RHEBL1: variants seen among roughly 807,000 people sequenced by gnomAD.
RHEBL1 encodes the protein RHEB like 1, also known as GTPase RhebL1.
A neutral mutation model predicts 27.4 loss-of-function variants in RHEBL1; 22 were observed. The observed-to-expected ratio is 0.80, with a 90% CI of 0.57 to 1.15. The LOEUF (loss-of-function observed/expected upper bound fraction) is 1.15. Among genes scored for constraint, RHEBL1 ranks in the 50% most tolerant of loss-of-function variants. The pLI, the probability that RHEBL1 is intolerant of heterozygous loss-of-function variation, is 0.00. For missense variants in RHEBL1, 186 were observed against 226.5 expected (o/e 0.82, Z 1.15); for synonymous variants, 85 against 80.8 (o/e 1.05, Z -0.28).
chr12:49,065,253 G>A (rs750685515), intron 7 of RHEBL1, 61 bp from the exon 8 acceptor site: 22 of 1,554,300 alleles, frequency 1.4e-5, no homozygotes, highest in Non-Finnish European at 1.6e-5. Context: ...CCAGCTCTGG[G>A]GTGAAAGCCC....
intron 2 of RHEBL1, among the ~76,000 whole-genome samples, 172 bp from the exon 3 acceptor site, chr12:49,067,207 A>G (rs1359979569): frequency 6.7e-6 from 1 of 148,240 alleles, no homozygotes; most frequent in Admixed American, 6.9e-5. Flanking sequence ...GGTTCAAGCT[A>G]TTCTCCTGCC....
intron 2 of RHEBL1, among the ~76,000 whole-genome samples, chr12:49,068,261 A>G (rs1669094011): frequency 6.7e-6 from 1 of 149,928 alleles, no homozygotes; most frequent in Non-Finnish European, 1.5e-5. Flanking sequence ...TCCCGAGTAG[A>G]TGGGATTACA....
At position 49,064,978 on chromosome 12, in the gene RHEBL1, CTG is replaced by C; in HGVS notation, c.*123_*124del. The C allele has an allele frequency of 1.4e-6, 1 of 703,912 alleles. No individual in the cohort carries two copies. The highest frequency in any genetic ancestry group is 2.5e-6 in the Non-Finnish European group (1 of 393,634). The allele number at this position is 703,912 out of a possible 1,614,324, so 43.6% of individuals were successfully genotyped here. ...AGTGTGCAAACATGAGGATGCCACA[CTG>C]TGTGTCCAGGGGCCAGGAACACAGC... On this transcript the variant is annotated 3_prime_UTR_variant, in exon 8 of 8. Coordinates refer to ENST00000301068, the MANE Select transcript of RHEBL1 (RefSeq NM_144593.3).
chr12:49,069,741 G>A lies in RHEBL1; in HGVS notation c.45C>T (p.Arg15=), dbSNP rs1254762185. ...RYRKVVILGY[R]CVGKTSLAHQ... Reference sequence around the variant, plus strand: ...TGCAGGGCGGAGACTCACCTACACAGCGGTATCCGAGGATGACCACCTTCC... The same window carrying A: ...TGCAGGGCGGAGACTCACCTACACAACGGTATCCGAGGATGACCACCTTCC... Residue 15 remains arginine, a synonymous_variant, in exon 1 of 8, where the codon CGC becomes CGT. Coordinates refer to ENST00000301068, the MANE Select transcript of RHEBL1 (RefSeq NM_144593.3). The A allele has an allele frequency of 6.2e-7, 1 of 1,613,748 alleles. No individual in the cohort carries two copies. Among genetic ancestry groups the A allele is most frequent in the African/African-American group, 1.3e-5 (1 of 75,008 alleles).
At chr12:49,066,876 T>C in intron 3 of RHEBL1, 92 bp downstream of exon 3, 2 of 1,182,430 alleles carry the variant, frequency 1.7e-6, no homozygotes, top group Non-Finnish European at 2.5e-6. Flanking sequence ...AAAATGCTTT[T>C]AATACTACTT....
At chr12:49,066,389 C>A (rs1472992604) in intron 5 of RHEBL1, 87 bp downstream of exon 5, 2 of 1,548,950 alleles carry the variant, frequency 1.3e-6, no homozygotes, top group Non-Finnish European at 1.8e-6. Flanking sequence ...TATATCCGAG[C>A]CTCCTCTCTA....
chr12:49,065,597 C>G (rs1438975511), intron 6 of RHEBL1, among the ~76,000 whole-genome samples, 166 bp from the exon 7 acceptor site: 1 of 151,780 alleles, frequency 6.6e-6, no homozygotes, highest in East Asian at 1.9e-4. Flanking sequence ...AGTTCAAGAC[C>G]AGCCTGGACA....
chr12:49,069,125 C>G lies in RHEBL1; in HGVS notation c.53-19G>C, dbSNP rs1316283412. ...GTCTTCCCTGTGGGGAGCAGTGTGA[C>G]AGTTGTATCCAAATCATCCATCCAC... On this transcript the variant is annotated intron_variant, in intron 1 of 7. Coordinates refer to ENST00000301068, the MANE Select transcript of RHEBL1 (RefSeq NM_144593.3). The G allele has an allele frequency of 1.9e-6, 3 of 1,614,158 alleles. No individual in the cohort carries two copies. In the Admixed American group the frequency reaches 5.0e-5, roughly 27 times the overall value.
Position 49,065,367 on chromosome 12 carries a change from A to G in RHEBL1, c.445T>C (p.Ser149Pro). The change falls in exon 7 of 8, where the codon TCT (serine) becomes CCT (proline). Residue 149 changes from serine (S) to proline (P), a missense_variant. By Grantham distance (74) the Ser-to-Pro change is moderately conservative. Coordinates refer to ENST00000301068, the MANE Select transcript of RHEBL1 (RefSeq NM_144593.3). ...CCCAGCACCTGATTCTCTCGAGCAG[A>G]TGACTCCATAAATGTCGCACCCCAG... ...ESWGATFMES[S>P]ARENQLTQGI... 1.2e-6 allele frequency: 2 copies of G among 1,614,032 alleles called. No individual in the cohort carries two copies. The highest frequency in any genetic ancestry group is 1.7e-5 in the Admixed American group (1 of 59,996).
chr12:49,068,904 A>G (rs1465761569), intron 2 of RHEBL1, 131 bp downstream of exon 2: 1 of 960,094 alleles, frequency 1.0e-6, no homozygotes, highest in Non-Finnish European at 1.6e-6. Flanking sequence ...GGATTGCTAA[A>G]GAAGAAATCA....
chr12:49,069,624 C>T, intron 1 of RHEBL1, 110 bp downstream of exon 1: 1 of 971,120 alleles, frequency 1.0e-6, no homozygotes, highest in Non-Finnish European at 1.7e-6. Flanking sequence ...CGCTCTACAA[C>T]CCCATCCTTA....
intron 1 of RHEBL1, 99 bp downstream of exon 1, chr12:49,069,635 C>G (rs1197527615): frequency 9.5e-7 from 1 of 1,048,168 alleles, no homozygotes; most frequent in African/African-American, 1.6e-5. Context: ...CCCATCCTTA[C>G]GATGTCATCA....
At chr12:49,068,846 CCAGACT>C (rs1209590484) in intron 2 of RHEBL1, among the ~76,000 whole-genome samples, 183 bp downstream of exon 2, 1 of 152,212 alleles carries the variant, frequency 6.6e-6, no homozygotes, top group African/African-American at 2.4e-5. Context: ...CTAAACTATC[CCAGACT>C]CAATATCTTG....
At position 49,065,036 on chromosome 12, in the gene RHEBL1, C is replaced by A; in HGVS notation, c.*67G>T. 1 of 1,161,698 alleles carries A rather than the reference C, an allele frequency of 8.6e-7. No individual in the cohort carries two copies. The highest frequency in any genetic ancestry group is 1.3e-6 in the Non-Finnish European group (1 of 768,956). The allele number at this position is 1,161,698 out of a possible 1,614,324, so 72.0% of individuals were successfully genotyped here. On this transcript the variant is annotated 3_prime_UTR_variant, in exon 8 of 8. Transcript: ENST00000301068. ...ACCATACCCGTGAAGTCCTGAGGAT[C>A]TGCCCCCCACTGGAACATGGCAAGT...
intron 6 of RHEBL1, 28 bp downstream of exon 6, chr12:49,066,203 T>A: frequency 6.2e-7 from 1 of 1,600,126 alleles, no homozygotes; most frequent in Non-Finnish European, 8.6e-7. Context: ...TCACTTCCTT[T>A]TGCTCTGAGT....
chr12:49,069,159 C>T (rs1221239452), intron 1 of RHEBL1, 53 bp from the exon 2 acceptor site: 3 of 1,613,730 alleles, frequency 1.9e-6, no homozygotes, highest in East Asian at 2.2e-5. Context: ...ACATTCACAT[C>T]CTCTGTCCTT....
intron 2 of RHEBL1, among the ~76,000 whole-genome samples, chr12:49,067,780 A>C (rs1939021245): frequency 6.6e-6 from 1 of 152,180 alleles, no homozygotes; most frequent in Non-Finnish European, 1.5e-5. Context: ...ACTGTCTTGA[A>C]AAGAAAAGAA....
At chr12:49,066,878 A>G in intron 3 of RHEBL1, 90 bp downstream of exon 3, 1 of 1,188,244 alleles carries the variant, frequency 8.4e-7, no homozygotes, top group East Asian at 2.3e-5. Flanking sequence ...AATGCTTTTA[A>G]TACTACTTTA....
At chr12:49,066,568 G>T in intron 4 of RHEBL1, 36 bp from the exon 5 acceptor site, 1 of 1,613,708 alleles carries the variant, frequency 6.2e-7, no homozygotes, top group Non-Finnish European at 8.5e-7. Flanking sequence ...AACTTTATGA[G>T]ACAGTCCTCA....
Sources: gnomAD v4.1 joint callset for allele counts (sites outside exome capture counted in the v4.1 genomes callset) on GRCh38, gnomAD v4.1.1 for gene constraint, MANE v1.5 for transcripts, NCBI Gene and HGNC (gene_info 2026-07-23, HGNC 2026-07-21) for gene names.